OR1B1: variants seen among roughly 807,000 people sequenced by gnomAD.
OR1B1 encodes olfactory receptor family 1 subfamily B member 1.
For synonymous variants in OR1B1, 168 were observed against 156.2 expected (o/e 1.08, Z -0.57); for missense variants, 414 against 402.1 (o/e 1.03, Z -0.25).
the OR1B1 span, among the ~76,000 whole-genome samples, chr9:122,650,427 T>C: frequency 6.8e-6 from 1 of 146,986 alleles, no homozygotes; most frequent in East Asian, 1.9e-4. Context: ...AAAATATATA[T>C]ATAATATATT....
chr9:122,643,638 G>A, the OR1B1 span, among the ~76,000 whole-genome samples: 1 of 152,252 alleles, frequency 6.6e-6, no homozygotes, highest in Non-Finnish European at 1.5e-5. Flanking sequence ...TAGCTGGCAT[G>A]GCTAAGGGAA....
At chr9:122,647,628 C>G in the OR1B1 span, among the ~76,000 whole-genome samples, 1,614 of 152,206 alleles carry the variant, frequency 0.011, 24 homozygotes, top group African/African-American at 0.036. Flanking sequence ...GTTTTTGTTG[C>G]TGCCACTGTT....
the OR1B1 span, among the ~76,000 whole-genome samples, chr9:122,642,565 C>G: frequency 6.6e-6 from 1 of 152,102 alleles, no homozygotes. Context: ...CCTCACAGAT[C>G]AGGCAAGCAT....
At chr9:122,636,776 G>A in the OR1B1 span, among the ~76,000 whole-genome samples, 584 of 152,320 alleles carry the variant, frequency 3.8e-3, 4 homozygotes, top group African/African-American at 0.013. Context: ...TGGTCTAGAA[G>A]TTAATACAAA....
exon 1 of OR1B1, chr9:122,628,671 G>T (rs772549659): frequency 1.7e-5 from 27 of 1,613,844 alleles, no homozygotes; most frequent in Non-Finnish European, 1.6e-5. Context: ...TTGGCCAAAG[G>T]TGTAATGGCA....
At chr9:122,634,092 A>G (rs1265632872), upstream of OR1B1, among the ~76,000 whole-genome samples, 1 of 151,828 alleles carries the variant, frequency 6.6e-6, no homozygotes, top group Non-Finnish European at 1.5e-5. Flanking sequence ...ATCCCAGCAC[A>G]TTGGGAGGCT....
At chr9:122,651,874 A>G in the OR1B1 span, among the ~76,000 whole-genome samples, 1 of 152,180 alleles carries the variant, frequency 6.6e-6, no homozygotes, top group Non-Finnish European at 1.5e-5. Context: ...TGTAATCTCA[A>G]ACTCTTGGCT....
At chr9:122,635,190 G>C in the OR1B1 span, among the ~76,000 whole-genome samples, 20 of 152,144 alleles carry the variant, frequency 1.3e-4, no homozygotes, top group Admixed American at 1.2e-3. Flanking sequence ...CCTTTAAAAA[G>C]GAAGAGGTTC....
the OR1B1 span, among the ~76,000 whole-genome samples, chr9:122,656,751 G>T: frequency 1.3e-5 from 2 of 152,140 alleles, no homozygotes; most frequent in East Asian, 3.8e-4. Flanking sequence ...TTTAAAACTA[G>T]AACTTGAGGC....
chr9:122,649,122 A>T, the OR1B1 span, among the ~76,000 whole-genome samples: 1 of 152,230 alleles, frequency 6.6e-6, no homozygotes. Flanking sequence ...CTGATCTTTG[A>T]CAAACCTGAC....
the OR1B1 span, among the ~76,000 whole-genome samples, chr9:122,653,673 A>G: frequency 6.6e-6 from 1 of 152,144 alleles, no homozygotes; most frequent in East Asian, 1.9e-4. Flanking sequence ...GCTGAAATTG[A>G]GGTTATAAAA....
chr9:122,652,252 A>T, the OR1B1 span, among the ~76,000 whole-genome samples: 1 of 152,246 alleles, frequency 6.6e-6, no homozygotes, highest in Non-Finnish European at 1.5e-5. Context: ...TACTTCTAAA[A>T]GTCATCAATT....
At chr9:122,637,712 G>A in the OR1B1 span, among the ~76,000 whole-genome samples, 8 of 152,100 alleles carry the variant, frequency 5.3e-5, 1 homozygote, top group South Asian at 1.7e-3. Context: ...CTATCTTTTT[G>A]TTACCAGTTT....
the OR1B1 span, among the ~76,000 whole-genome samples, chr9:122,654,462 G>T: frequency 1.3e-5 from 2 of 152,128 alleles, no homozygotes; most frequent in Non-Finnish European, 1.5e-5. Flanking sequence ...ACCAGATGGG[G>T]TCCATTTCTT....
At chr9:122,634,392 C>A (rs1479127609), upstream of OR1B1, among the ~76,000 whole-genome samples, 3 of 151,520 alleles carry the variant, frequency 2.0e-5, no homozygotes, top group East Asian at 5.8e-4. Context: ...AAAGAAATAC[C>A]CGAGACTGGG....
the OR1B1 span, among the ~76,000 whole-genome samples, chr9:122,635,012 G>A: frequency 2.6e-5 from 4 of 152,148 alleles, no homozygotes; most frequent in Non-Finnish European, 5.9e-5. Context: ...AGGTGACCCA[G>A]CAATCCCTCT....
At chr9:122,657,524 ATACT>A in the OR1B1 span, among the ~76,000 whole-genome samples, 328 of 152,336 alleles carry the variant, frequency 2.2e-3, 6 homozygotes, top group Non-Finnish European at 1.1e-3. Flanking sequence ...AAGTGAAAAC[ATACT>A]TACTGCAATG....
At chr9:122,642,161 A>G in the OR1B1 span, among the ~76,000 whole-genome samples, 1 of 152,110 alleles carries the variant, frequency 6.6e-6, no homozygotes, top group African/African-American at 2.4e-5. Context: ...AGGAGAAAGG[A>G]TAGAAAAGGA....
At chr9:122,629,262 G>T (rs751219016) in exon 1 of OR1B1, 1 of 1,614,084 alleles carries the variant, frequency 6.2e-7, no homozygotes, top group Non-Finnish European at 8.5e-7. Context: ...GGAATGGTTG[G>T]GTAATGAGAG....
Sources: allele counts gnomAD v4.1 joint callset (sites outside exome capture counted in the v4.1 genomes callset), GRCh38; gene constraint gnomAD v4.1.1; transcripts MANE v1.5; gene names NCBI Gene and HGNC (gene_info 2026-07-23, HGNC 2026-07-21).